The following DYNC1I1 variants were observed in gnomAD, a reference collection of about 807,000 sequenced individuals.
The protein encoded by DYNC1I1 is cytoplasmic dynein 1 intermediate chain 1.
A neutral mutation model predicts 86.6 loss-of-function variants in DYNC1I1; 43 were observed. That is an observed-to-expected ratio of 0.50 (90% CI 0.39 to 0.64). The LOEUF (loss-of-function observed/expected upper bound fraction) is 0.64. DYNC1I1 is among the 30% of genes least tolerant of loss of function. The pLI is 0.00. For missense variants in DYNC1I1, 604 were observed against 788.8 expected, an observed-to-expected ratio of 0.77 and a Z score of 2.81; for synonymous variants, 262 against 283.7, an observed-to-expected ratio of 0.92 and a Z score of 0.77.
chr7:95,814,252 T>C (rs906165476), intron 4 of DYNC1I1, among the ~76,000 whole-genome samples: 9 of 152,196 alleles, frequency 5.9e-5, no homozygotes, highest in African/African-American at 1.7e-4. Flanking sequence ...CAGGTGATAA[T>C]CTCCTGAATG....
chr7:95,894,233 A>G lies in DYNC1I1; in HGVS notation c.490+24235A>G, dbSNP rs371493934. On this transcript the variant is annotated intron_variant, in intron 6 of 16. Coordinates refer to ENST00000447467, the MANE Select transcript of DYNC1I1 (RefSeq NM_001135556.2). Reference sequence around the variant, plus strand: ...AAATAACAGAAATTTGTGTCTCACAATTCTGAAGGCTGGAAAGTCCAAGAT... The same window carrying G: ...AAATAACAGAAATTTGTGTCTCACAGTTCTGAAGGCTGGAAAGTCCAAGAT... Among the ~76,000 whole-genome samples, 59 of 152,070 alleles carry G rather than the reference A, an allele frequency of 3.9e-4. No individual in the cohort carries two copies. The East Asian group carries it at 5.6e-3, about 14-fold the overall frequency.
At chr7:95,953,232 G>A (rs950945929) in intron 6 of DYNC1I1, among the ~76,000 whole-genome samples, 1 of 151,290 alleles carries the variant, frequency 6.6e-6, no homozygotes, top group Non-Finnish European at 1.5e-5. Flanking sequence ...ATAAGCAACT[G>A]TAGCATCTTT....
chr7:95,835,891 A>C (rs1160678999), intron 5 of DYNC1I1, among the ~76,000 whole-genome samples: 4 of 152,118 alleles, frequency 2.6e-5, no homozygotes, highest in African/African-American at 4.8e-5. Flanking sequence ...GGGCTTCCTG[A>C]ATACAGCACA....
intron 5 of DYNC1I1, among the ~76,000 whole-genome samples, chr7:95,841,112 G>A (rs1789267828): frequency 6.6e-6 from 1 of 152,124 alleles, no homozygotes; most frequent in Non-Finnish European, 1.5e-5. Context: ...GTAAATGCTA[G>A]GCCCTCAGTT....
chr7:95,785,187 A>G (rs545906218), intron 1 of DYNC1I1, among the ~76,000 whole-genome samples: 2 of 152,246 alleles, frequency 1.3e-5, no homozygotes, highest in African/African-American at 4.8e-5. Flanking sequence ...TGAGGCAGGT[A>G]GATTGCTTGA....
intron 12 of DYNC1I1, 111 bp from the exon 13 acceptor site, chr7:96,035,508 T>C (rs1584267140): frequency 7.1e-7 from 1 of 1,405,476 alleles, no homozygotes; most frequent in East Asian, 2.6e-5. Context: ...GGGTCTTTTG[T>C]AACGCTGTGT....
At chr7:96,043,756 A>G (rs560004394) in intron 14 of DYNC1I1, among the ~76,000 whole-genome samples, 83 of 151,874 alleles carry the variant, frequency 5.5e-4, no homozygotes, top group African/African-American at 2.0e-3. Flanking sequence ...TGTTGACCAC[A>G]CTAGAGTGCA....
chr7:95,940,743 A>T (rs1329637683), intron 6 of DYNC1I1, among the ~76,000 whole-genome samples: 4 of 152,162 alleles, frequency 2.6e-5, no homozygotes, highest in Non-Finnish European at 5.9e-5. Flanking sequence ...CTTTGGTTTG[A>T]ATTTCCTCCT....
intron 5 of DYNC1I1, among the ~76,000 whole-genome samples, chr7:95,832,032 T>C (rs1296010629): frequency 1.3e-5 from 2 of 151,274 alleles, no homozygotes; most frequent in African/African-American, 2.4e-5. Context: ...GTTAGTTACA[T>C]ATGTATACAT....
intron 6 of DYNC1I1, among the ~76,000 whole-genome samples, chr7:95,926,414 G>A (rs776404607): frequency 1.1e-4 from 17 of 152,054 alleles, no homozygotes; most frequent in African/African-American, 3.9e-4. Flanking sequence ...TTACAAAAAT[G>A]TATGTGAATC....
intron 16 of DYNC1I1, among the ~76,000 whole-genome samples, chr7:96,095,087 T>C (rs1790962651): frequency 6.6e-6 from 1 of 152,192 alleles, no homozygotes; most frequent in African/African-American, 2.4e-5. Context: ...TACTCCCACC[T>C]CCATGAAGAA....
chr7:95,900,557 G>A (rs2116307255), intron 6 of DYNC1I1, among the ~76,000 whole-genome samples: 1 of 152,252 alleles, frequency 6.6e-6, no homozygotes, highest in East Asian at 1.9e-4. Context: ...AGGAGATTTG[G>A]AGTTGGAAAT....
intron 6 of DYNC1I1, among the ~76,000 whole-genome samples, chr7:95,957,702 G>A (rs1034224376): frequency 1.2e-4 from 19 of 152,148 alleles, no homozygotes; most frequent in African/African-American, 3.1e-4. Context: ...AGGAGCAGTC[G>A]GAGCCAGGAA....
At chr7:95,957,118 G>A (rs1481729803) in intron 6 of DYNC1I1, among the ~76,000 whole-genome samples, 1 of 152,074 alleles carries the variant, frequency 6.6e-6, no homozygotes, top group Admixed American at 6.5e-5. Context: ...TGCAATAGGG[G>A]CAATATAATG....
rs1283933225 is a variant in DYNC1I1, at chr7:96,067,817, T to C, written c.1510-8240T>C. 2.0e-5 allele frequency among the ~76,000 whole-genome samples: 3 copies of C among 152,304 alleles called. No individual in the cohort carries two copies. In the East Asian group the frequency reaches 5.8e-4, roughly 29 times the overall value. On this transcript the variant is annotated intron_variant, in intron 14 of 16. Coordinates refer to ENST00000447467, the MANE Select transcript of DYNC1I1 (RefSeq NM_001135556.2). ...TGTTTTCCTTTTCATTTTAATGATA[T>C]ATTAAACGAGTTGCCTTCCCCAACC...
At chr7:95,976,592 A>G (rs1284379642) in intron 6 of DYNC1I1, among the ~76,000 whole-genome samples, 1 of 152,228 alleles carries the variant, frequency 6.6e-6, no homozygotes, top group Non-Finnish European at 1.5e-5. Context: ...GTGGAGGAAG[A>G]AGCAAAGTCA....
At chr7:96,101,277 CAT>C (rs1256827176), downstream of DYNC1I1, among the ~76,000 whole-genome samples, 1 of 152,162 alleles carries the variant, frequency 6.6e-6, no homozygotes, top group Non-Finnish European at 1.5e-5. Flanking sequence ...TGACCAAAAA[CAT>C]AGAGCAAGAA....
intron 12 of DYNC1I1, among the ~76,000 whole-genome samples, chr7:96,034,519 G>A (rs1794888098): frequency 6.6e-6 from 1 of 152,178 alleles, no homozygotes; most frequent in African/African-American, 2.4e-5. Flanking sequence ...AGGAATAGGG[G>A]CATCCAACAG....
chr7:95,816,944 C>T (rs1030501913), intron 4 of DYNC1I1, among the ~76,000 whole-genome samples: 10 of 152,254 alleles, frequency 6.6e-5, no homozygotes, highest in Admixed American at 5.2e-4. Context: ...AAACAGCTTA[C>T]GCTTTTTATA....
Sources: allele counts gnomAD v4.1 joint callset (sites outside exome capture counted in the v4.1 genomes callset), GRCh38; gene constraint gnomAD v4.1.1; transcripts MANE v1.5; gene names NCBI Gene and HGNC (gene_info 2026-07-23, HGNC 2026-07-21).